DAB1: variants seen among roughly 807,000 people sequenced by gnomAD.
DAB1 encodes the protein DAB adaptor protein 1.
In DAB1, 15 loss-of-function variants were observed where a neutral mutation model predicts 64.6. The ratio of observed to expected loss-of-function variants is 0.23; its 90% CI spans 0.16 to 0.36. The LOEUF is 0.36. Among genes scored for constraint, DAB1 ranks in the 10% least tolerant of loss-of-function variants. The pLI is 1.00. For synonymous variants in DAB1, 235 were observed against 251.9 expected, an observed-to-expected ratio of 0.93 and a Z score of 0.64; for missense variants, 596 against 706.7, an observed-to-expected ratio of 0.84 and a Z score of 1.78.
intron 4 of DAB1, among the ~76,000 whole-genome samples, chr1:58,315,977 C>T (rs573280809): frequency 2.7e-4 from 41 of 152,220 alleles, no homozygotes; most frequent in African/African-American, 8.7e-4. Context: ...AGCACTAAAT[C>T]GTCCCCAAAG....
At chr1:58,046,059 A>C (rs895398734) in intron 5 of DAB1, among the ~76,000 whole-genome samples, 15 of 152,096 alleles carry the variant, frequency 9.9e-5, no homozygotes, top group Non-Finnish European at 1.9e-4. Flanking sequence ...ATATGGGCAC[A>C]TAACTGGCAT....
At chr1:57,166,173 A>AT (rs143280507) in intron 2 of DAB1, among the ~76,000 whole-genome samples, 1 of 152,126 alleles carries the variant, frequency 6.6e-6, no homozygotes, top group Non-Finnish European at 1.5e-5. Context: ...AGGTATTGTT[A>AT]TTTTTTTAAT....
chr1:58,039,058 C>G (rs1437254585), intron 5 of DAB1, among the ~76,000 whole-genome samples: 2 of 152,162 alleles, frequency 1.3e-5, no homozygotes, highest in African/African-American at 4.8e-5. Context: ...AACTATGTCT[C>G]TTTAGTTTCT....
chr1:57,687,600 A>AAAAAAAAC, intron 6 of DAB1, among the ~76,000 whole-genome samples: 1 of 57,506 alleles, frequency 1.7e-5, no homozygotes, highest in African/African-American at 1.7e-4. Context: ...CTTAAGAAAC[A>AAAAAAAAC]AAAAAAAAAA....
chr1:57,714,623 C>G (rs2101749626), intron 6 of DAB1, among the ~76,000 whole-genome samples: 1 of 152,238 alleles, frequency 6.6e-6, no homozygotes, highest in South Asian at 2.1e-4. Flanking sequence ...ATCCGGGAAG[C>G]CCCACGTGGC....
chr1:57,013,098 A>G lies in DAB1; in HGVS notation c.1444+1785T>C, dbSNP rs929168293. On this transcript the variant is annotated intron_variant, in intron 12 of 14. Transcript: ENST00000371236. Reference sequence around the variant, plus strand: ...GTGATTAGAGGCCAGCGTTGCTGCTAAACATCCTACAATGGGACAGCCTCT... The same window carrying G: ...GTGATTAGAGGCCAGCGTTGCTGCTGAACATCCTACAATGGGACAGCCTCT... Among the ~76,000 whole-genome samples, 5 of 152,334 alleles carry G rather than the reference A, an allele frequency of 3.3e-5. No individual in the cohort carries two copies. In the East Asian group the frequency reaches 5.8e-4, roughly 18 times the overall value.
intron 2 of DAB1, among the ~76,000 whole-genome samples, chr1:57,241,204 CTT>C (rs1424798831): frequency 1.3e-5 from 2 of 152,258 alleles, no homozygotes; most frequent in East Asian, 1.9e-4. Context: ...GCTTTTTTCT[CTT>C]GTCACCCATC....
chr1:57,852,285 C>T (rs1029844386), intron 1 of DAB1, among the ~76,000 whole-genome samples: 2 of 152,116 alleles, frequency 1.3e-5, no homozygotes, highest in Non-Finnish European at 2.9e-5. Flanking sequence ...CTTGGTTCTC[C>T]CTCAGTTTAT....
At chr1:57,888,751 G>T (rs985597703), upstream of DAB1, among the ~76,000 whole-genome samples, 1 of 152,116 alleles carries the variant, frequency 6.6e-6, no homozygotes, top group Admixed American at 6.5e-5. Flanking sequence ...AAATCAGATA[G>T]TGCACAAATG....
intron 3 of DAB1, among the ~76,000 whole-genome samples, chr1:58,356,057 T>A (rs1644108173): frequency 6.6e-6 from 1 of 152,172 alleles, no homozygotes; most frequent in African/African-American, 2.4e-5. Context: ...TCTCCTCTAA[T>A]CCCTAGACAT....
intron 5 of DAB1, 37 bp downstream of exon 5, chr1:57,072,246 C>G (rs771856778): frequency 1.2e-6 from 2 of 1,609,756 alleles, no homozygotes. Context: ...CCCCAGAGTT[C>G]CAAGGAAAGA....
chr1:57,156,296 T>C (rs1215641674), intron 2 of DAB1, among the ~76,000 whole-genome samples: 1 of 152,130 alleles, frequency 6.6e-6, no homozygotes, highest in African/African-American at 2.4e-5. Context: ...TTCTCTCACC[T>C]CATTTGTGCC....
At chr1:57,097,343 GCA>G (rs1173588156) in intron 4 of DAB1, among the ~76,000 whole-genome samples, 2 of 152,154 alleles carry the variant, frequency 1.3e-5, no homozygotes, top group Non-Finnish European at 2.9e-5. Context: ...GGCCACTCAT[GCA>G]CAGAGTCATA....
chr1:57,464,752 C>A (rs190209809), intron 7 of DAB1, among the ~76,000 whole-genome samples: 5 of 152,256 alleles, frequency 3.3e-5, no homozygotes, highest in Admixed American at 3.3e-4. Flanking sequence ...GGGAAAAAGA[C>A]AGTCGATTGG....
At chr1:57,116,072 G>A (rs1047518724) in intron 4 of DAB1, among the ~76,000 whole-genome samples, 5 of 152,086 alleles carry the variant, frequency 3.3e-5, no homozygotes, top group Admixed American at 6.6e-5. Flanking sequence ...GACCTCTGTG[G>A]CTGGGCTTTC....
At chr1:57,695,393 A>AAAGAAAAGAAAG (rs1646828500) in intron 6 of DAB1, among the ~76,000 whole-genome samples, 1 of 79,052 alleles carries the variant, frequency 1.3e-5, no homozygotes, top group Non-Finnish European at 2.8e-5. Context: ...AGAAAGAAAG[A>AAAGAAAAGAAAG]AAGAAAGAAA....
intron 7 of DAB1, among the ~76,000 whole-genome samples, chr1:57,540,130 C>T (rs1396824195): frequency 3.3e-5 from 5 of 152,180 alleles, no homozygotes; most frequent in Admixed American, 6.5e-5. Context: ...GGTATTACTT[C>T]CATCTACTCT....
At chr1:58,225,252 C>T (rs1241226866) in intron 4 of DAB1, among the ~76,000 whole-genome samples, 2 of 151,966 alleles carry the variant, frequency 1.3e-5, no homozygotes, top group African/African-American at 2.4e-5. Flanking sequence ...CAAATCAAAA[C>T]CACAATGAGA....
At chr1:57,697,887 C>G (rs1325774466) in intron 6 of DAB1, among the ~76,000 whole-genome samples, 3 of 152,180 alleles carry the variant, frequency 2.0e-5, no homozygotes, top group Non-Finnish European at 4.4e-5. Flanking sequence ...AAACCCCAAT[C>G]TCCCTAGCAC....
Sources: allele counts gnomAD v4.1 joint callset (sites outside exome capture counted in the v4.1 genomes callset), GRCh38; gene constraint gnomAD v4.1.1; transcripts MANE v1.5; gene names NCBI Gene and HGNC (gene_info 2026-07-23, HGNC 2026-07-21).